Variants in CD1B observed in about 807,000 individuals in gnomAD.
The protein encoded by CD1B is T-cell surface glycoprotein CD1b.
In CD1B, 43 loss-of-function variants were observed where a neutral mutation model predicts 39.8. That is an observed-to-expected ratio of 1.08 (90% CI 0.85 to 1.39). The LOEUF is 1.39. Among genes scored for constraint, CD1B ranks in the 40% most tolerant of loss-of-function variants. The pLI is 0.00. For synonymous variants in CD1B, 192 were observed against 152.5 expected (o/e 1.26, Z -1.91); for missense variants, 495 against 403.8 (o/e 1.23, Z -1.94).
chr1:158,324,153 G>A (rs1293743173), downstream of CD1B, among the ~76,000 whole-genome samples: 5 of 152,202 alleles, frequency 3.3e-5, no homozygotes, highest in African/African-American at 4.8e-5. Flanking sequence ...TAGACACATT[G>A]GTAGATGTTT....
intron 3 of CD1B, 55 bp from the exon 4 acceptor site, chr1:158,329,703 A>T: frequency 6.3e-7 from 1 of 1,589,060 alleles, no homozygotes; most frequent in South Asian, 1.2e-5. Context: ...TTCAGAGGTT[A>T]TGAACTCAGA....
chr1:158,300,294 T>A, the CD1B span, among the ~76,000 whole-genome samples: 5 of 152,174 alleles, frequency 3.3e-5, no homozygotes, highest in African/African-American at 1.2e-4. Context: ...TGGTTTTGAG[T>A]GAGTTTCTTA....
chr1:158,325,611 T>A (rs1040559718), downstream of CD1B, among the ~76,000 whole-genome samples: 7 of 151,916 alleles, frequency 4.6e-5, no homozygotes, highest in Non-Finnish European at 2.9e-5. Context: ...CTAAGATATA[T>A]CTAGCTATCT....
the CD1B span, among the ~76,000 whole-genome samples, chr1:158,315,321 G>T: frequency 3.9e-5 from 6 of 152,042 alleles, no homozygotes; most frequent in East Asian, 1.2e-3. Flanking sequence ...AGCACCTGTT[G>T]TTTCCTGACT....
the CD1B span, chr1:158,292,034 G>T: frequency 6.4e-7 from 1 of 1,557,682 alleles, no homozygotes; most frequent in Non-Finnish European, 8.7e-7. Flanking sequence ...TTATACTGTT[G>T]TTTTCACTTT....
chr1:158,308,244 G>A, the CD1B span, among the ~76,000 whole-genome samples: 3 of 152,094 alleles, frequency 2.0e-5, no homozygotes, highest in Admixed American at 6.5e-5. Flanking sequence ...GCTTCAAAAA[G>A]AATAAAATAC....
At chr1:158,286,117 G>A in the CD1B span, among the ~76,000 whole-genome samples, 6 of 152,260 alleles carry the variant, frequency 3.9e-5, no homozygotes, top group Admixed American at 1.3e-4. Context: ...AACAACGTCT[G>A]TGGTCTGAGC....
At chr1:158,291,686 A>C in the CD1B span, among the ~76,000 whole-genome samples, 1 of 152,070 alleles carries the variant, frequency 6.6e-6, no homozygotes, top group Non-Finnish European at 1.5e-5. Flanking sequence ...TGACTCCCTT[A>C]AAATAAAATC....
the CD1B span, chr1:158,289,923 A>G: frequency 1.5e-6 from 1 of 671,274 alleles, no homozygotes; most frequent in East Asian, 2.7e-5. Flanking sequence ...TGAGGGAAGC[A>G]GATCTTCTTA....
chr1:158,296,682 T>A, the CD1B span, among the ~76,000 whole-genome samples: 4 of 152,054 alleles, frequency 2.6e-5, no homozygotes, highest in African/African-American at 9.7e-5. Flanking sequence ...TGAAATGGAA[T>A]CCAAAGAATT....
chr1:158,307,627 A>C, the CD1B span, among the ~76,000 whole-genome samples: 11 of 152,266 alleles, frequency 7.2e-5, no homozygotes, highest in African/African-American at 2.4e-4. Context: ...CAGAGACATA[A>C]CAAAAAAAGA....
At chr1:158,309,567 A>G in the CD1B span, among the ~76,000 whole-genome samples, 1 of 152,186 alleles carries the variant, frequency 6.6e-6, no homozygotes. Flanking sequence ...AATAGCAAAG[A>G]CTTGGAACCA....
chr1:158,292,815 G>A, the CD1B span: 156 of 1,614,088 alleles, frequency 9.7e-5, no homozygotes, highest in Middle Eastern at 3.3e-4. Flanking sequence ...GAGCCTGCTG[G>A]CCTGTCTTGT....
rs776942321 is a variant in CD1B at position 158,329,355 on chromosome 1, C to A, written c.886+15G>T. Reference sequence around the variant, plus strand: ...CTTCCTGGCATTTCCAGCCTGGGTCCCTGCTATTTCTTACTCCAGTAGAGG... The same window carrying A: ...CTTCCTGGCATTTCCAGCCTGGGTCACTGCTATTTCTTACTCCAGTAGAGG... On this transcript the variant is annotated intron_variant, in intron 4 of 5. Coordinates refer to ENST00000368168, the MANE Select transcript of CD1B (RefSeq NM_001764.3). 1 of 1,604,212 alleles carries A rather than the reference C, an allele frequency of 6.2e-7. No homozygotes were observed.
At chr1:158,307,746 G>A in the CD1B span, among the ~76,000 whole-genome samples, 1 of 151,820 alleles carries the variant, frequency 6.6e-6, no homozygotes, top group African/African-American at 2.4e-5. Context: ...CTGATAAAGT[G>A]GGCTTCATCT....
chr1:158,312,644 T>C, the CD1B span, among the ~76,000 whole-genome samples: 1 of 152,218 alleles, frequency 6.6e-6, no homozygotes, highest in African/African-American at 2.4e-5. Context: ...TCTTGATTTA[T>C]TTTTCAGATA....
At chr1:158,331,154 G>T (rs1276957908) in intron 1 of CD1B, 92 bp from the exon 2 acceptor site, 2 of 1,343,068 alleles carry the variant, frequency 1.5e-6, no homozygotes, top group Non-Finnish European at 2.1e-6. Context: ...TAGAAAACAA[G>T]AACCTAGAGT....
In CD1B at chr1:158,330,893, A is replaced by G; in HGVS notation, c.231T>C (p.Ser77=). ...FLKPWSKGNF[S]DKEVAELEEI... is the part of the protein sequence containing the mutation. The stretch of plus-strand genomic sequence containing the variant: ...CCTCTAACTCAGCAACCTCCTTATC[A>G]CTAAAGTTACCTTTAGACCAAGGCT... The change falls in exon 2 of 6, where the codon AGT becomes AGC. Residue 77 remains serine, a synonymous_variant. Coordinates refer to ENST00000368168, the MANE Select transcript of CD1B (RefSeq NM_001764.3). 1 of 1,613,886 alleles carries G rather than the reference A, an allele frequency of 6.2e-7. No individual in the cohort carries two copies. Among genetic ancestry groups the G allele is most frequent in the Non-Finnish European group, 8.5e-7 (1 of 1,179,742 alleles).
In CD1B at chr1:158,330,909, G is replaced by C. The variant is rs768797983; in HGVS notation, c.215C>G (p.Ser72Cys). 6.2e-7 allele frequency: 1 copy of C among 1,614,026 alleles called. No individual in the cohort carries two copies. The highest frequency in any genetic ancestry group is 8.5e-7 in the Non-Finnish European group (1 of 1,179,978). The change falls in exon 2 of 6, where the codon TCT becomes TGT. Residue 72 changes from serine (S) to cysteine (C), a missense_variant. Ser to Cys is a moderately radical substitution (Grantham distance 112). Coordinates refer to ENST00000368168, the MANE Select transcript of CD1B (RefSeq NM_001764.3). ...SGTAIFLKPW[S>C]KGNFSDKEVA... is the part of the protein sequence containing the mutation. ...CTCCTTATCACTAAAGTTACCTTTA[G>C]ACCAAGGCTTCAGGAATATGGCAGT...
Sources: allele counts gnomAD v4.1 joint callset (sites outside exome capture counted in the v4.1 genomes callset), GRCh38; gene constraint gnomAD v4.1.1; transcripts MANE v1.5; gene names NCBI Gene and HGNC (gene_info 2026-07-23, HGNC 2026-07-21).